The following RNGTT variants were observed in gnomAD, a reference collection of about 807,000 sequenced individuals.
The protein encoded by RNGTT is mRNA-capping enzyme.
Under a neutral mutation model 79.3 loss-of-function variants are expected in RNGTT, and 33 were observed. The ratio of observed to expected loss-of-function variants is 0.42; its 90% CI spans 0.32 to 0.56. The LOEUF (loss-of-function observed/expected upper bound fraction) is 0.56, where lower values mean the gene tolerates loss of function less well. Among genes scored for constraint, RNGTT ranks in the 20% least tolerant of loss-of-function variants. The pLI is 0.17. For missense variants in RNGTT, 497 were observed against 739.1 expected, an observed-to-expected ratio of 0.67 and a Z score of 3.80; for synonymous variants, 222 against 235.9, an observed-to-expected ratio of 0.94 and a Z score of 0.54.
rs1483928028 is a variant in RNGTT at position 88,612,782 on chromosome 6, A to G, written c.1731T>C (p.His577=). The part of the protein sequence containing the change: ...AASQGQKRKH[H]LDPDTELMPP... ...GCATGAGCTCCGTGTCAGGGTCCAG[A>G]TGATGTTTTCGCTTCTGTCCTTGAG... The change falls in exon 16 of 16, where the codon CAT becomes CAC. Residue 577 remains histidine, a synonymous_variant. Transcript: ENST00000369485. 2 of 1,613,442 alleles carry G rather than the reference A, an allele frequency of 1.2e-6. No homozygotes were observed. Among genetic ancestry groups the G allele is most frequent in the African/African-American group, 1.3e-5 (1 of 74,962 alleles).
intron 12 of RNGTT, among the ~76,000 whole-genome samples, chr6:88,785,482 A>G (rs9344866): frequency 6.6e-6 from 1 of 151,750 alleles, no homozygotes; most frequent in South Asian, 2.1e-4. Context: ...GCTCTAAAAG[A>G]TGAACAAGGA....
rs1777405492 is a variant in RNGTT, at chr6:88,739,725, T to TTATTTATA, written c.1439+30048_1439+30049insTATAAATA. On this transcript the variant is annotated intron_variant, in intron 13 of 15. Coordinates refer to ENST00000369485, the MANE Select transcript of RNGTT (RefSeq NM_003800.5). The stretch of plus-strand genomic sequence containing the variant: ...TCCCGTGTAACTGGTGTGAAAAAAA[T>TTATTTATA]TATATATATATATATATATATATAT... Among the ~76,000 whole-genome samples, 86 of 94,148 alleles carry TTATTTATA rather than the reference T, an allele frequency of 9.1e-4. 4 individuals are homozygous for TTATTTATA. Among genetic ancestry groups the TTATTTATA allele is most frequent in the African/African-American group, 3.5e-3 (76 of 21,628 alleles). 61.8% of individuals were successfully genotyped at this position (94,148 alleles called of 152,430 possible). A position where few individuals can be genotyped will look rare whatever the true frequency, so the allele number is the denominator to read the frequency against.
At position 88,963,387 on chromosome 6, in the gene RNGTT, G is replaced by A; in HGVS notation, c.23C>T (p.Pro8Leu). The stretch of plus-strand genomic sequence containing the variant: ...GCGCCGGGGACAGTTCAGCCACCGC[G>A]GCGGGATCTTGTTGTGAGCCATGTC... MAHNKIP[P>L]RWLNCPRRGQ... The change falls in exon 1 of 16, where the codon CCG (proline) becomes CTG (leucine). Residue 8 changes from proline (P) to leucine (L), a missense_variant. This residue lies in a region of RNGTT where 440 missense variants were observed against 671.5 expected (regional missense o/e 0.66). Coordinates refer to ENST00000369485, the MANE Select transcript of RNGTT (RefSeq NM_003800.5). 1 of 1,609,778 alleles carries A rather than the reference G, an allele frequency of 6.2e-7. No individual in the cohort carries two copies. Among genetic ancestry groups the A allele is most frequent in the Non-Finnish European group, 8.5e-7 (1 of 1,178,036 alleles).
At chr6:88,624,819 CAT>C (rs1428930075) in intron 14 of RNGTT, among the ~76,000 whole-genome samples, 1 of 151,652 alleles carries the variant, frequency 6.6e-6, no homozygotes, top group African/African-American at 2.4e-5. Context: ...TTGCAAATCA[CAT>C]ATCTGACAGA....
At chr6:88,834,732 T>C (rs1251500549) in intron 11 of RNGTT, among the ~76,000 whole-genome samples, 1 of 152,138 alleles carries the variant, frequency 6.6e-6, no homozygotes, top group Non-Finnish European at 1.5e-5. Flanking sequence ...AGCCTTATGG[T>C]TTTATGAACT....
At chr6:88,625,551 G>A (rs1772595897) in intron 14 of RNGTT, among the ~76,000 whole-genome samples, 1 of 151,924 alleles carries the variant, frequency 6.6e-6, no homozygotes, top group Non-Finnish European at 1.5e-5. Context: ...ACAGAAAGCA[G>A]ACTAAGATTT....
At chr6:88,930,482 A>T (rs1317211012) in intron 2 of RNGTT, among the ~76,000 whole-genome samples, 1 of 151,964 alleles carries the variant, frequency 6.6e-6, no homozygotes, top group Non-Finnish European at 1.5e-5. Flanking sequence ...GGGGAAAAAG[A>T]TTAAAAAATT....
intron 11 of RNGTT, among the ~76,000 whole-genome samples, chr6:88,832,502 A>G (rs1451799187): frequency 1.3e-5 from 2 of 152,180 alleles, no homozygotes; most frequent in East Asian, 3.8e-4. Context: ...CCTAGGCAAT[A>G]CCATTCAGGA....
intron 8 of RNGTT, among the ~76,000 whole-genome samples, chr6:88,887,547 T>C (rs1782907418): frequency 6.6e-6 from 1 of 152,218 alleles, no homozygotes; most frequent in African/African-American, 2.4e-5. Flanking sequence ...TACTCAGGGT[T>C]TTCCTTTTGT....
intron 13 of RNGTT, among the ~76,000 whole-genome samples, chr6:88,696,130 G>A (rs1204785742): frequency 2.0e-5 from 3 of 152,240 alleles, no homozygotes; most frequent in Non-Finnish European, 4.4e-5. Context: ...CTTCAAAATT[G>A]CTAAGACAGC....
chr6:88,731,598 TAAAC>T (rs942491244), intron 13 of RNGTT, among the ~76,000 whole-genome samples: 5 of 152,032 alleles, frequency 3.3e-5, no homozygotes, highest in East Asian at 1.9e-4. Context: ...CAATAAAAAA[TAAAC>T]AAACTGGACT....
chr6:88,931,606 T>C (rs902329279), intron 2 of RNGTT, among the ~76,000 whole-genome samples: 3 of 152,122 alleles, frequency 2.0e-5, no homozygotes, highest in Non-Finnish European at 2.9e-5. Flanking sequence ...TTCTAACACA[T>C]AGGGTAAAAA....
At chr6:88,946,122 T>C (rs1472766496) in intron 1 of RNGTT, among the ~76,000 whole-genome samples, 3 of 152,248 alleles carry the variant, frequency 2.0e-5, no homozygotes, top group African/African-American at 4.8e-5. Context: ...CAACCTTTTG[T>C]CTATCAAGTC....
At chr6:88,865,092 G>A (rs1782125694) in intron 8 of RNGTT, among the ~76,000 whole-genome samples, 2 of 152,056 alleles carry the variant, frequency 1.3e-5, no homozygotes, top group African/African-American at 4.8e-5. Context: ...TTTATGTTAT[G>A]TGTAATTTAC....
chr6:88,855,233 G>A (rs1017455091), intron 8 of RNGTT, among the ~76,000 whole-genome samples: 4 of 152,320 alleles, frequency 2.6e-5, no homozygotes, highest in East Asian at 3.9e-4. Context: ...TTAGGGGACA[G>A]AAGAAATATT....
intron 13 of RNGTT, among the ~76,000 whole-genome samples, chr6:88,683,586 G>A (rs1209413081): frequency 6.6e-6 from 1 of 151,992 alleles, no homozygotes; most frequent in Non-Finnish European, 1.5e-5. Flanking sequence ...ACTTTGACAT[G>A]GACACAAAAT....
rs776793913 is a variant in RNGTT, at chr6:88,672,230, C to CAT, written c.1506+6121_1506+6122dup. Among the ~76,000 whole-genome samples, 142 of 149,944 alleles carry CAT rather than the reference C, an allele frequency of 9.5e-4. 1 individual carries two copies. Among genetic ancestry groups the CAT allele is most frequent in the Non-Finnish European group, 1.7e-3 (118 of 67,678 alleles). On this transcript the variant is annotated intron_variant, in intron 14 of 15. Transcript: ENST00000369485. ...ATATATATATATATACACACACACA[C>CAT]ATATATATACACACACACACATATA...
chr6:88,644,338 T>G (rs1451950163), intron 14 of RNGTT, among the ~76,000 whole-genome samples: 5 of 151,962 alleles, frequency 3.3e-5, no homozygotes, highest in African/African-American at 7.2e-5. Flanking sequence ...AATAACAGGC[T>G]CTGAAATTGA....
chr6:88,765,304 C>A (rs552188480), intron 13 of RNGTT, among the ~76,000 whole-genome samples: 2 of 151,836 alleles, frequency 1.3e-5, no homozygotes, highest in Admixed American at 1.3e-4. Flanking sequence ...TCATTCAGGG[C>A]ACTTTTTTTC....
Sources: allele counts gnomAD v4.1 joint callset (sites outside exome capture counted in the v4.1 genomes callset), GRCh38; gene constraint gnomAD v4.1.1; regional missense constraint gnomAD v4.1.1; transcripts MANE v1.5; gene names NCBI Gene and HGNC (gene_info 2026-07-23, HGNC 2026-07-21).